VGLL3: variants seen among roughly 807,000 people sequenced by gnomAD.
VGLL3 encodes the protein vestigial like family member 3, also known as transcription cofactor vestigial-like protein 3.
In VGLL3, 18 loss-of-function variants were observed where a neutral mutation model predicts 29.2. The ratio of observed to expected loss-of-function variants is 0.62; its 90% CI spans 0.43 to 0.91. The LOEUF is 0.91. VGLL3 is among the 40% of genes least tolerant of loss of function. The pLI, the probability that VGLL3 is intolerant of heterozygous loss-of-function variation, is 0.00. For synonymous variants in VGLL3, 180 were observed against 151.8 expected, an observed-to-expected ratio of 1.19 and a Z score of -1.36; for missense variants, 440 against 413.2, an observed-to-expected ratio of 1.06 and a Z score of -0.56.
chr3:86,951,869 G>C (rs913421173), intron 3 of VGLL3, among the ~76,000 whole-genome samples: 2 of 152,180 alleles, frequency 1.3e-5, no homozygotes. Context: ...GGCCACCCCA[G>C]ATGAGCGTCT....
intron 3 of VGLL3, among the ~76,000 whole-genome samples, chr3:86,950,043 C>T (rs1205085586): frequency 6.6e-6 from 1 of 152,094 alleles, no homozygotes; most frequent in Non-Finnish European, 1.5e-5. Context: ...CTTGCCAGAA[C>T]AAAATCCACT....
In VGLL3 at chr3:86,978,463, C is replaced by T. The variant is rs1450963286; in HGVS notation, c.403+63G>A. 2.6e-6 allele frequency: 4 copies of T among 1,554,266 alleles called. No homozygotes were observed. The African/African-American group carries it at 5.5e-5, about 21-fold the overall frequency. ...TCAGGGGCAAGTCTCCAGCTGGAAC[C>T]TGGTACAGGCAGTTGCGAAACAAAG... On this transcript the variant is annotated intron_variant, in intron 2 of 3. Coordinates refer to ENST00000398399, the MANE Select transcript of VGLL3 (RefSeq NM_016206.4).
chr3:86,990,502 A>C (rs1705556768), intron 1 of VGLL3, 116 bp downstream of exon 1: 6 of 1,281,084 alleles, frequency 4.7e-6, no homozygotes. Flanking sequence ...ACGCTCCCGC[A>C]GATCCCAGAG....
At chr3:86,990,049 G>A (rs1453928119) in intron 1 of VGLL3, among the ~76,000 whole-genome samples, 2 of 152,074 alleles carry the variant, frequency 1.3e-5, no homozygotes, top group Non-Finnish European at 2.9e-5. Context: ...GAAGAACCTT[G>A]GAATCCATCC....
At chr3:86,960,526 G>C (rs1289930600) in intron 3 of VGLL3, among the ~76,000 whole-genome samples, 1 of 152,112 alleles carries the variant, frequency 6.6e-6, no homozygotes, top group African/African-American at 2.4e-5. Flanking sequence ...TGCTATGAAA[G>C]TCTGTTCAGA....
chr3:86,990,561 G>C, intron 1 of VGLL3, 57 bp downstream of exon 1: 2 of 1,311,574 alleles, frequency 1.5e-6, no homozygotes, highest in African/African-American at 1.5e-5. Flanking sequence ...GCCCCAGACC[G>C]ATACTCTCGA....
At chr3:86,955,161 A>G (rs1575861986) in intron 3 of VGLL3, among the ~76,000 whole-genome samples, 1 of 152,290 alleles carries the variant, frequency 6.6e-6, no homozygotes, top group Non-Finnish European at 1.5e-5. Context: ...GAAACATGAT[A>G]CCTAGGAGTA....
chr3:86,968,668 CTG>C lies in VGLL3; in HGVS notation c.857_858del (p.Thr286SerfsTer35). On this transcript the variant is annotated frameshift_variant, in exon 3 of 4. Transcript: ENST00000398399. LOFTEE classifies it high-confidence loss of function. ...GCCCATGCTGAGGTAGCAGAGGTGA[CTG>C]TAGTTGGTTCTGTCTTTGTGATGTC... ...QCDITKTEPT[T>X]VTSATSAWAG... The C allele has an allele frequency of 6.2e-7, 1 of 1,614,160 alleles. No individual in the cohort carries two copies. The highest frequency in any genetic ancestry group is 8.5e-7 in the Non-Finnish European group (1 of 1,180,032).
chr3:86,946,842 T>C lies in VGLL3; in HGVS notation c.*182A>G, dbSNP rs1704517801. On this transcript the variant is annotated 3_prime_UTR_variant, in exon 4 of 4. Coordinates refer to ENST00000398399, the MANE Select transcript of VGLL3 (RefSeq NM_016206.4). ...AAATAAACAAATAAAAATGCTTTTCTTCAATGTCTGGGACCCACTTTGCTT... is the reference window on the plus strand; with the variant it reads ...AAATAAACAAATAAAAATGCTTTTCCTCAATGTCTGGGACCCACTTTGCTT... 1.9e-6 allele frequency: 1 copy of C among 522,652 alleles called. No homozygotes were observed. Among genetic ancestry groups the C allele is most frequent in the East Asian group, 3.1e-5 (1 of 32,738 alleles). The allele number at this position is 522,652 out of a possible 1,614,324, so 32.4% of individuals were successfully genotyped here.
intron 2 of VGLL3, among the ~76,000 whole-genome samples, chr3:86,977,568 A>G (rs1705235450): frequency 6.6e-6 from 1 of 152,214 alleles, no homozygotes; most frequent in Non-Finnish European, 1.5e-5. Flanking sequence ...GGACTAGATC[A>G]ATGATTATCA....
At chr3:86,969,629 C>T (rs1457915904) in intron 2 of VGLL3, among the ~76,000 whole-genome samples, 1 of 152,072 alleles carries the variant, frequency 6.6e-6, no homozygotes, top group Admixed American at 6.5e-5. Context: ...ATTACTTATA[C>T]TCACTAACAC....
At chr3:86,956,648 T>C (rs1193132113) in intron 3 of VGLL3, among the ~76,000 whole-genome samples, 2 of 151,846 alleles carry the variant, frequency 1.3e-5, no homozygotes, top group Non-Finnish European at 2.9e-5. Flanking sequence ...TAGCCGGGCA[T>C]GTTGGCGGCG....
intron 2 of VGLL3, among the ~76,000 whole-genome samples, chr3:86,974,139 A>G (rs1297643707): frequency 2.0e-5 from 3 of 149,432 alleles, no homozygotes; most frequent in South Asian, 2.1e-4. Context: ...TTTTTTTTAG[A>G]TAGAGTCTCA....
At chr3:86,987,123 G>T (rs1434110831) in intron 1 of VGLL3, among the ~76,000 whole-genome samples, 1 of 152,042 alleles carries the variant, frequency 6.6e-6, no homozygotes, top group East Asian at 1.9e-4. Context: ...TCCTAATTTT[G>T]TCACCAGCTT....
chr3:86,960,165 A>G (rs1294561286), intron 3 of VGLL3, among the ~76,000 whole-genome samples: 1 of 152,184 alleles, frequency 6.6e-6, no homozygotes, highest in East Asian at 1.9e-4. Context: ...TGAATAGTAT[A>G]TAACAATTTT....
rs547054027 is a variant in VGLL3 at position 86,953,334 on chromosome 3, C to A, written c.938-6267G>T. Among the ~76,000 whole-genome samples the A allele has an allele frequency of 3.9e-5, 6 of 152,172 alleles. 1 individual carries two copies. In the South Asian group the frequency reaches 8.3e-4, roughly 21 times the overall value. On this transcript the variant is annotated intron_variant, in intron 3 of 3. Transcript: ENST00000398399. The stretch of plus-strand genomic sequence containing the variant: ...GTCTGTATGTGTAGCTCGACCCCAT[C>A]CTTTTGGAGGGCTGCACAATATTTA...
chr3:86,954,432 T>A (rs552712149), intron 3 of VGLL3, among the ~76,000 whole-genome samples: 1 of 152,316 alleles, frequency 6.6e-6, no homozygotes, highest in South Asian at 2.1e-4. Flanking sequence ...AACTCTCCTG[T>A]GCACAGAATC....
At chr3:86,959,518 A>C (rs947059531) in intron 3 of VGLL3, among the ~76,000 whole-genome samples, 1 of 152,158 alleles carries the variant, frequency 6.6e-6, no homozygotes, top group Admixed American at 6.5e-5. Context: ...AGGGTGAAAA[A>C]TATCACAGTG....
intron 3 of VGLL3, among the ~76,000 whole-genome samples, chr3:86,958,672 C>T (rs1192013482): frequency 6.6e-6 from 1 of 152,214 alleles, no homozygotes; most frequent in South Asian, 2.1e-4. Context: ...AAACTGACAG[C>T]AATGCTCTGG....
Sources: gnomAD v4.1 joint callset for allele counts (sites outside exome capture counted in the v4.1 genomes callset) on GRCh38, gnomAD v4.1.1 for gene constraint, MANE v1.5 for transcripts, NCBI Gene and HGNC (gene_info 2026-07-23, HGNC 2026-07-21) for gene names.